DLC1: variants seen among roughly 807,000 people sequenced by gnomAD.
DLC1 encodes DLC1 Rho GTPase activating protein.
A neutral mutation model predicts 140.3 loss-of-function variants in DLC1; 54 were observed. The observed-to-expected ratio is 0.38, with a 90% confidence interval of 0.31 to 0.48. The LOEUF (loss-of-function observed/expected upper bound fraction) is 0.48, where lower values mean the gene tolerates loss of function less well. Ranked by LOEUF, DLC1 falls within the 20% of genes least tolerant of loss-of-function variation. The probability of loss-of-function intolerance (pLI) is 0.96; values close to 1 mark genes in which losing one functional copy is unlikely to be tolerated. For synonymous variants in DLC1, 986 were observed against 728.1 expected (o/e 1.35, Z -5.70); for missense variants, 2,536 against 1,907.0 (o/e 1.33, Z -6.14).
chr8:13,334,668 T>C (rs577111831), intron 4 of DLC1, among the ~76,000 whole-genome samples: 28 of 152,214 alleles, frequency 1.8e-4, no homozygotes, highest in Non-Finnish European at 3.2e-4. Flanking sequence ...GATGAGTCAT[T>C]TGAAGAAAAG....
intron 5 of DLC1, among the ~76,000 whole-genome samples, chr8:13,256,398 T>C (rs1830227771): frequency 6.6e-6 from 1 of 152,166 alleles, no homozygotes; most frequent in South Asian, 2.1e-4. Flanking sequence ...TATAAATCAT[T>C]CTACTATAAA....
intron 2 of DLC1, among the ~76,000 whole-genome samples, chr8:13,441,076 C>G (rs372109531): frequency 2.6e-5 from 4 of 152,172 alleles, no homozygotes; most frequent in African/African-American, 9.7e-5. Flanking sequence ...TTCTACCAAA[C>G]TACCACTACG....
At chr8:13,456,973 C>G (rs1289554753) in intron 2 of DLC1, among the ~76,000 whole-genome samples, 2 of 152,224 alleles carry the variant, frequency 1.3e-5, no homozygotes, top group East Asian at 3.9e-4. Flanking sequence ...GTTGTCATCA[C>G]TGGAAACGTC....
chr8:13,354,789 A>T (rs1834843480), intron 4 of DLC1, among the ~76,000 whole-genome samples: 1 of 144,620 alleles, frequency 6.9e-6, no homozygotes, highest in Non-Finnish European at 1.5e-5. Flanking sequence ...TACAAAAAAT[A>T]AAAAAAAAAA....
At chr8:13,121,142 C>T (rs1351212521) in intron 5 of DLC1, among the ~76,000 whole-genome samples, 1 of 152,102 alleles carries the variant, frequency 6.6e-6, no homozygotes, top group African/African-American at 2.4e-5. Context: ...AATTCAAGCA[C>T]TTTGCAGATT....
intron 4 of DLC1, among the ~76,000 whole-genome samples, chr8:13,314,092 A>T (rs1832778963): frequency 6.6e-6 from 1 of 152,032 alleles, no homozygotes; most frequent in Non-Finnish European, 1.5e-5. Flanking sequence ...TGACTTCTGA[A>T]TTGTAGGAGA....
intron 5 of DLC1, among the ~76,000 whole-genome samples, chr8:13,168,945 A>C (rs112216884): frequency 1.4e-4 from 21 of 152,322 alleles, no homozygotes; most frequent in African/African-American, 5.1e-4. Flanking sequence ...ATTTATTATC[A>C]TAATGTTAGG....
chr8:13,384,283 A>G lies in DLC1; in HGVS notation c.1314+9270T>C, dbSNP rs1420926759. ...AAGTGATGTATAGAATAAGCTAGAA[A>G]GGAAAAGGAAGCAGAACACTCCCAC... On this transcript the variant is annotated intron_variant, in intron 4 of 17. Transcript: ENST00000276297. 2.2e-4 allele frequency among the ~76,000 whole-genome samples: 33 copies of G among 152,018 alleles called. 2 individuals are homozygous for G. Among genetic ancestry groups the G allele is most frequent in the Admixed American group, 2.2e-3 (33 of 15,264 alleles).
intron 5 of DLC1, among the ~76,000 whole-genome samples, chr8:13,277,079 G>C (rs1831202106): frequency 6.6e-6 from 1 of 152,270 alleles, no homozygotes; most frequent in South Asian, 2.1e-4. Context: ...CCAGCACCTG[G>C]AAAGGCTGAG....
chr8:13,599,901 C>G (rs919945589), intron 1 of DLC1, among the ~76,000 whole-genome samples: 1 of 151,860 alleles, frequency 6.6e-6, no homozygotes, highest in Admixed American at 6.6e-5. Context: ...CTCAAACTTA[C>G]TATATATGTA....
intron 5 of DLC1, among the ~76,000 whole-genome samples, chr8:13,258,682 C>G (rs918772964): frequency 1.3e-5 from 2 of 152,142 alleles, no homozygotes; most frequent in African/African-American, 4.8e-5. Context: ...GTATCAATGG[C>G]CTATGTAGCC....
chr8:13,446,583 G>A (rs114225961), intron 2 of DLC1, among the ~76,000 whole-genome samples: 2 of 151,956 alleles, frequency 1.3e-5, no homozygotes, highest in African/African-American at 4.8e-5. Context: ...GGAAAAAAGA[G>A]AAAGAAACAA....
intron 2 of DLC1, among the ~76,000 whole-genome samples, chr8:13,468,349 C>G (rs538231296): frequency 1.7e-5 from 2 of 115,088 alleles, no homozygotes; most frequent in African/African-American, 6.4e-5. Flanking sequence ...TTCCCCTCCC[C>G]TCCCCTCCCC....
intron 1 of DLC1, among the ~76,000 whole-genome samples, chr8:13,593,487 C>T (rs542858584): frequency 2.0e-5 from 3 of 152,234 alleles, no homozygotes; most frequent in Admixed American, 1.3e-4. Context: ...TCAATTCACG[C>T]TTCTCCAACT....
chr8:13,486,876 C>A (rs1470393209), intron 2 of DLC1, among the ~76,000 whole-genome samples: 2 of 152,168 alleles, frequency 1.3e-5, no homozygotes, highest in Non-Finnish European at 2.9e-5. Flanking sequence ...GTCCCAACTA[C>A]ACAACAGCAA....
chr8:13,460,341 C>T (rs887178079), intron 2 of DLC1, among the ~76,000 whole-genome samples: 17 of 152,204 alleles, frequency 1.1e-4, no homozygotes, highest in African/African-American at 4.1e-4. Flanking sequence ...ATAACAGCTC[C>T]ATGAACATTG....
At chr8:13,557,054 G>C (rs897320244) in intron 1 of DLC1, among the ~76,000 whole-genome samples, 6 of 152,200 alleles carry the variant, frequency 3.9e-5, no homozygotes, top group African/African-American at 7.2e-5. Flanking sequence ...GGTGAGAAGT[G>C]AGCGAGGATA....
chr8:13,580,247 C>T (rs559319406), intron 1 of DLC1, among the ~76,000 whole-genome samples: 39 of 152,130 alleles, frequency 2.6e-4, no homozygotes, highest in Non-Finnish European at 4.6e-4. Flanking sequence ...CTCAGCCTCC[C>T]GAGTAGCTGG....
At chr8:13,258,044 T>C (rs1319974763) in intron 5 of DLC1, among the ~76,000 whole-genome samples, 1 of 152,234 alleles carries the variant, frequency 6.6e-6, no homozygotes, top group African/African-American at 2.4e-5. Context: ...CACAATTAAG[T>C]AACTACTTAA....
Sources: gnomAD v4.1 joint callset for allele counts (sites outside exome capture counted in the v4.1 genomes callset) on GRCh38, gnomAD v4.1.1 for gene constraint, MANE v1.5 for transcripts, NCBI Gene and HGNC (gene_info 2026-07-23, HGNC 2026-07-21) for gene names.